Variants in GULP1 observed in about 807,000 individuals in gnomAD.
GULP1 encodes the protein GULP PTB domain containing engulfment adaptor 1.
GULP1 carries 19 observed loss-of-function variants against 40.9 expected under a neutral mutation model. The observed-to-expected ratio is 0.46, with a 90% CI of 0.32 to 0.68. The LOEUF (loss-of-function observed/expected upper bound fraction) is 0.68. Ranked by LOEUF, GULP1 falls within the 30% of genes least tolerant of loss-of-function variation. The pLI is 0.03. For synonymous variants in GULP1, 119 were observed against 117.6 expected, an observed-to-expected ratio of 1.01 and a Z score of -0.08; for missense variants, 312 against 362.2, an observed-to-expected ratio of 0.86 and a Z score of 1.12.
intron 7 of GULP1, among the ~76,000 whole-genome samples, chr2:188,562,942 T>G (rs1248657165): frequency 6.6e-6 from 1 of 151,910 alleles, no homozygotes; most frequent in Non-Finnish European, 1.5e-5. Context: ...TAACTATAGC[T>G]AAAAGAAAAG....
intron 2 of GULP1, among the ~76,000 whole-genome samples, chr2:188,450,550 T>C (rs1330631233): frequency 6.6e-6 from 1 of 152,140 alleles, no homozygotes; most frequent in African/African-American, 2.4e-5. Flanking sequence ...ATACATTATT[T>C]ATATTCATCT....
At chr2:188,362,870 A>G (rs189884709) in intron 1 of GULP1, among the ~76,000 whole-genome samples, 21 of 152,038 alleles carry the variant, frequency 1.4e-4, no homozygotes, top group African/African-American at 5.1e-4. Context: ...GTAACAACCG[A>G]AACATTTGGA....
chr2:188,515,822 CA>C (rs1559332224), intron 4 of GULP1, among the ~76,000 whole-genome samples: 1 of 151,962 alleles, frequency 6.6e-6, no homozygotes, highest in African/African-American at 2.4e-5. Flanking sequence ...AGTAAATACT[CA>C]AAAATATTTT....
intron 1 of GULP1, among the ~76,000 whole-genome samples, chr2:188,338,248 C>T (rs1298808271): frequency 6.6e-6 from 1 of 151,026 alleles, no homozygotes; most frequent in East Asian, 1.9e-4. Context: ...TAACCACAAT[C>T]TTAAGAATAT....
intron 1 of GULP1, among the ~76,000 whole-genome samples, chr2:188,340,807 G>A (rs1469377788): frequency 1.3e-5 from 2 of 152,142 alleles, no homozygotes; most frequent in African/African-American, 2.4e-5. Flanking sequence ...GTGGCACTCA[G>A]TGGGAAGGGG....
chr2:188,494,492 G>A (rs2062709139), intron 4 of GULP1, among the ~76,000 whole-genome samples: 1 of 151,854 alleles, frequency 6.6e-6, no homozygotes, highest in South Asian at 2.1e-4. Flanking sequence ...GGTAAATGCT[G>A]ACTCTCAATG....
chr2:188,320,775 C>G (rs770328112), intron 1 of GULP1, among the ~76,000 whole-genome samples: 1 of 151,838 alleles, frequency 6.6e-6, no homozygotes, highest in Non-Finnish European at 1.5e-5. Context: ...ATAACATAAA[C>G]TAAAATTTTA....
intron 4 of GULP1, among the ~76,000 whole-genome samples, chr2:188,506,920 T>C (rs1271014818): frequency 6.6e-6 from 1 of 152,008 alleles, no homozygotes; most frequent in Non-Finnish European, 1.5e-5. Context: ...AACCACAACC[T>C]GAACTTCTCC....
At chr2:188,528,649 G>T (rs1231475940) in intron 5 of GULP1, among the ~76,000 whole-genome samples, 1 of 151,986 alleles carries the variant, frequency 6.6e-6, no homozygotes, top group Non-Finnish European at 1.5e-5. Context: ...TTTATTTATT[G>T]ATGTGGTTGG....
At chr2:188,321,967 A>T (rs2040049443) in intron 1 of GULP1, among the ~76,000 whole-genome samples, 1 of 152,134 alleles carries the variant, frequency 6.6e-6, no homozygotes, top group South Asian at 2.1e-4. Context: ...GTGAGCCAAG[A>T]TCGAGCAAGA....
At chr2:188,488,463 CAA>C (rs1425210171) in intron 4 of GULP1, among the ~76,000 whole-genome samples, 2 of 151,834 alleles carry the variant, frequency 1.3e-5, no homozygotes, top group African/African-American at 2.4e-5. Flanking sequence ...TTTGGTATGA[CAA>C]AAGTTTATTG....
At chr2:188,540,969 C>T (rs1690323536) in intron 6 of GULP1, among the ~76,000 whole-genome samples, 1 of 152,134 alleles carries the variant, frequency 6.6e-6, no homozygotes, top group African/African-American at 2.4e-5. Context: ...CTCAGCACTA[C>T]TGAAATGCAT....
intron 1 of GULP1, among the ~76,000 whole-genome samples, chr2:188,377,771 A>G (rs1193002501): frequency 6.6e-6 from 1 of 152,222 alleles, no homozygotes; most frequent in Admixed American, 6.5e-5. Flanking sequence ...ATGCTACGTA[A>G]AAGAAATGCA....
At chr2:188,508,910 G>C (rs921323053) in intron 4 of GULP1, among the ~76,000 whole-genome samples, 4 of 151,642 alleles carry the variant, frequency 2.6e-5, no homozygotes, top group African/African-American at 9.7e-5. Context: ...CAGCCCACTT[G>C]TAAGTACAGG....
At chr2:188,437,116 A>G (rs1016251008) in intron 2 of GULP1, among the ~76,000 whole-genome samples, 2 of 152,104 alleles carry the variant, frequency 1.3e-5, no homozygotes, top group East Asian at 1.9e-4. Context: ...TTCATATTAT[A>G]TGCTAATATC....
intron 4 of GULP1, among the ~76,000 whole-genome samples, chr2:188,502,739 T>C (rs72913357): frequency 0.13 from 19,302 of 151,964 alleles, 1,567 homozygotes; most frequent in Non-Finnish European, 0.19. Context: ...ACTTAAGAAG[T>C]TTTCCTAGAA....
At chr2:188,473,197 T>C (rs1271592964) in intron 2 of GULP1, among the ~76,000 whole-genome samples, 1 of 152,012 alleles carries the variant, frequency 6.6e-6, no homozygotes, top group African/African-American at 2.4e-5. Context: ...CCACCAGAAG[T>C]AGGGTGGAGT....
rs540529440 is a variant in GULP1 at position 188,502,125 on chromosome 2, C to T, written c.90+18633C>T. 4.6e-5 allele frequency among the ~76,000 whole-genome samples: 7 copies of T among 151,844 alleles called. No homozygotes were observed. The East Asian group carries it at 7.8e-4, about 17-fold the overall frequency. ...TTATAGTAGATAGGTATATCCCTAG[C>T]GGTGTAAGAGGCAATTGAGGAGGAA... is the stretch of plus-strand genomic sequence containing the variant. On this transcript the variant is annotated intron_variant, in intron 4 of 11. Coordinates refer to ENST00000409830, the MANE Select transcript of GULP1 (RefSeq NM_016315.4).
At chr2:188,561,436 A>G (rs954799056) in intron 7 of GULP1, among the ~76,000 whole-genome samples, 1 of 152,184 alleles carries the variant, frequency 6.6e-6, no homozygotes, top group East Asian at 1.9e-4. Context: ...TGGGTGAGCC[A>G]GTCTTCAGGC....
Sources: allele counts gnomAD v4.1 joint callset (sites outside exome capture counted in the v4.1 genomes callset), GRCh38; gene constraint gnomAD v4.1.1; transcripts MANE v1.5; gene names NCBI Gene and HGNC (gene_info 2026-07-23, HGNC 2026-07-21).